PCNP: variants seen among roughly 807,000 people sequenced by gnomAD.
PCNP encodes PEST proteolytic signal-containing nuclear protein.
PCNP carries 6 observed loss-of-function variants against 21.8 expected under a neutral mutation model. That is an observed-to-expected ratio of 0.28 (90% CI 0.15 to 0.54). PCNP has a LOEUF of 0.54. Among genes scored for constraint, PCNP ranks in the 20% least tolerant of loss-of-function variants. PCNP has a pLI of 0.95. For missense variants in PCNP, 161 were observed against 215.5 expected (o/e 0.75, Z 1.58); for synonymous variants, 67 against 73.2 (o/e 0.92, Z 0.43).
intron 1 of PCNP, chr3:101,579,547 C>T (rs766820416): frequency 2.3e-5 from 15 of 639,488 alleles, no homozygotes; most frequent in South Asian, 2.3e-4. Context: ...TTTTTGTGAA[C>T]TCTGTGTTTA....
intron 4 of PCNP, 66 bp downstream of exon 4, chr3:101,590,336 A>G (rs1445375845): frequency 1.2e-6 from 1 of 848,688 alleles, no homozygotes; most frequent in South Asian, 1.5e-5. Flanking sequence ...TAACTTGCAC[A>G]TGATTTCTTA....
At chr3:101,574,390 C>A in intron 1 of PCNP, 111 bp downstream of exon 1, 1 of 1,338,440 alleles carries the variant, frequency 7.5e-7, no homozygotes, top group African/African-American at 1.5e-5. Flanking sequence ...TGGACCTCAC[C>A]CGGCCAGGTG....
At chr3:101,592,600 A>G in intron 4 of PCNP, 27 bp from the exon 5 acceptor site, 1 of 1,565,322 alleles carries the variant, frequency 6.4e-7, no homozygotes, top group Non-Finnish European at 8.7e-7. Context: ...ATAACATTTT[A>G]AATAAATTTT....
Position 101,583,248 on chromosome 3 carries a change from G to T in PCNP, c.280-2189G>T, listed in dbSNP as rs569952944. On this transcript the variant is annotated intron_variant, in intron 2 of 4. Transcript: ENST00000265260. ...AAGTCAGTGGATCTCTTGAAGCCAG[G>T]AGTTCGAGACCAGCCTGGCCAACAT... 1.6e-4 allele frequency among the ~76,000 whole-genome samples: 24 copies of T among 152,246 alleles called. No homozygotes were observed. In the South Asian group the frequency reaches 4.8e-3, roughly 30 times the overall value.
intron 2 of PCNP, among the ~76,000 whole-genome samples, chr3:101,580,399 T>C (rs1465169792): frequency 6.6e-6 from 1 of 151,792 alleles, no homozygotes; most frequent in Non-Finnish European, 1.5e-5. Context: ...GATCTATCTC[T>C]ACAAAAAATA....
intron 1 of PCNP, among the ~76,000 whole-genome samples, chr3:101,575,432 T>C (rs919685102): frequency 6.6e-6 from 1 of 151,824 alleles, no homozygotes; most frequent in Admixed American, 6.6e-5. Context: ...ACAATTCTGT[T>C]AGTTAAGCTG....
At chr3:101,592,530 T>A in intron 4 of PCNP, 97 bp from the exon 5 acceptor site, 1 of 946,162 alleles carries the variant, frequency 1.1e-6, no homozygotes, top group Non-Finnish European at 1.6e-6. Context: ...TCTGTGTTTA[T>A]AATAGGTGCT....
intron 2 of PCNP, among the ~76,000 whole-genome samples, chr3:101,584,548 G>A (rs540252809): frequency 6.6e-6 from 1 of 152,140 alleles, no homozygotes; most frequent in African/African-American, 2.4e-5. Context: ...CAAGGAAAGG[G>A]TGTTTTTATT....
At position 101,593,947 on chromosome 3, in the gene PCNP, A is replaced by G. The variant is rs1326136931; in HGVS notation, c.*1194A>G. On this transcript the variant is annotated 3_prime_UTR_variant, in exon 5 of 5. Transcript: ENST00000265260. ...GTTTTGTATTTTTGTATTGTATATG[A>G]ACTTTTTTTAAATGTGACAGTTAAA... is the stretch of plus-strand genomic sequence containing the variant. The G allele has an allele frequency of 6.6e-6, 1 of 152,616 alleles. No homozygotes were observed. The highest frequency in any genetic ancestry group is 1.5e-5 in the Non-Finnish European group (1 of 68,034). The allele number at this position is 152,616 out of a possible 1,614,324, so 9.5% of individuals were successfully genotyped here. A position where few individuals can be genotyped will look rare whatever the true frequency, so the allele number is the denominator to read the frequency against.
chr3:101,582,498 G>T (rs1244805695), intron 2 of PCNP, among the ~76,000 whole-genome samples: 1 of 152,080 alleles, frequency 6.6e-6, no homozygotes, highest in Non-Finnish European at 1.5e-5. Context: ...GGAGGGTGAG[G>T]TGTAGGATAT....
At position 101,592,880 on chromosome 3, in the gene PCNP, G is replaced by C; in HGVS notation, c.*127G>C. The C allele has an allele frequency of 3.0e-6, 2 of 677,738 alleles. No homozygotes were observed. Among genetic ancestry groups the C allele is most frequent in the Non-Finnish European group, 4.6e-6 (2 of 438,144 alleles). The allele number at this position is 677,738 out of a possible 1,614,324, so 42.0% of individuals were successfully genotyped here. On this transcript the variant is annotated 3_prime_UTR_variant, in exon 5 of 5. Coordinates refer to ENST00000265260, the MANE Select transcript of PCNP (RefSeq NM_020357.3). Reference sequence around the variant, plus strand: ...TTCTTTTTCATTTTTTTAAAAGATTGAGTGGTACACTAATAAATGAGAGTT... The same window carrying C: ...TTCTTTTTCATTTTTTTAAAAGATTCAGTGGTACACTAATAAATGAGAGTT...
intron 3 of PCNP, among the ~76,000 whole-genome samples, chr3:101,587,496 G>A (rs1377591666): frequency 6.6e-6 from 1 of 152,080 alleles, no homozygotes; most frequent in East Asian, 1.9e-4. Flanking sequence ...CCACTGCGAT[G>A]TTATAAAGAT....
At position 101,585,525 on chromosome 3, in the gene PCNP, G is replaced by A. The variant is rs371378423; in HGVS notation, c.354+14G>A. On this transcript the variant is annotated intron_variant, in intron 3 of 4. Coordinates refer to ENST00000265260, the MANE Select transcript of PCNP (RefSeq NM_020357.3). ...GAAGATGAAGATGTAAGTTGATATC[G>A]AGTTTTGTTTTTTTACTTTAACCAG... is the stretch of plus-strand genomic sequence containing the variant. 6.3e-6 allele frequency: 10 copies of A among 1,577,854 alleles called. No individual in the cohort carries two copies. The African/African-American group carries it at 8.1e-5, about 13-fold the overall frequency.
chr3:101,581,087 T>G (rs536653303), intron 2 of PCNP, among the ~76,000 whole-genome samples: 1 of 152,332 alleles, frequency 6.6e-6, no homozygotes, highest in Admixed American at 6.5e-5. Context: ...AAAGCTGTTA[T>G]TACTTAGAAT....
intron 1 of PCNP, chr3:101,576,606 C>G: frequency 6.2e-7 from 1 of 1,611,288 alleles, no homozygotes; most frequent in Non-Finnish European, 8.5e-7. Context: ...GAATCTTCTT[C>G]AGTCGCTCCA....
At chr3:101,581,734 C>T (rs1935233892) in intron 2 of PCNP, among the ~76,000 whole-genome samples, 1 of 149,672 alleles carries the variant, frequency 6.7e-6, no homozygotes, top group South Asian at 2.1e-4. Context: ...GAGCTCGGCC[C>T]CTCTTTCTTT....
In PCNP at chr3:101,593,956, T is replaced by A. The variant is rs11556582; in HGVS notation, c.*1203T>A. The A allele has an allele frequency of 0.093, 14,171 of 152,692 alleles. 717 individuals carry two copies. Among genetic ancestry groups the A allele is most frequent in the Middle Eastern group, 0.15 (44 of 294 alleles). 9.5% of individuals were successfully genotyped at this position (152,692 alleles called of 1,614,324 possible). A position where few individuals can be genotyped will look rare whatever the true frequency, so the allele number is the denominator to read the frequency against. The stretch of plus-strand genomic sequence containing the variant: ...TTTTGTATTGTATATGAACTTTTTT[T>A]AAATGTGACAGTTAAACACATCTTT... On this transcript the variant is annotated 3_prime_UTR_variant, in exon 5 of 5. Coordinates refer to ENST00000265260, the MANE Select transcript of PCNP (RefSeq NM_020357.3).
intron 3 of PCNP, 134 bp downstream of exon 3, chr3:101,585,645 A>G: frequency 1.8e-6 from 1 of 568,030 alleles, no homozygotes; most frequent in Non-Finnish European, 3.1e-6. Flanking sequence ...TGACATCCAT[A>G]AAAACTGGAT....
intron 3 of PCNP, among the ~76,000 whole-genome samples, chr3:101,588,093 A>C (rs1010106042): frequency 1.3e-5 from 2 of 152,148 alleles, no homozygotes; most frequent in African/African-American, 2.4e-5. Flanking sequence ...AACATGGTGA[A>C]ACCCTGTCTC....
Sources: allele counts gnomAD v4.1 joint callset (sites outside exome capture counted in the v4.1 genomes callset), GRCh38; gene constraint gnomAD v4.1.1; transcripts MANE v1.5; gene names NCBI Gene and HGNC (gene_info 2026-07-23, HGNC 2026-07-21).